Variants in CXADR observed in about 807,000 individuals in gnomAD.
The protein encoded by CXADR is coxsackievirus and adenovirus receptor.
A neutral mutation model predicts 40.3 loss-of-function variants in CXADR; 20 were observed. That is an observed-to-expected ratio of 0.50 (90% confidence interval 0.35 to 0.72). CXADR has a LOEUF of 0.72. Among genes scored for constraint, CXADR ranks in the 30% least tolerant of loss-of-function variants. The probability of loss-of-function intolerance (pLI) is 0.01; values close to 1 mark genes in which losing one functional copy is unlikely to be tolerated. For missense variants in CXADR, 332 were observed against 449.1 expected, an observed-to-expected ratio of 0.74 and a Z score of 2.36; for synonymous variants, 150 against 161.3, an observed-to-expected ratio of 0.93 and a Z score of 0.53.
At chr21:17,523,944 C>T (rs561932028) in intron 1 of CXADR, among the ~76,000 whole-genome samples, 45 of 152,022 alleles carry the variant, frequency 3.0e-4, no homozygotes, top group South Asian at 2.7e-3. Context: ...CTGCAACCTC[C>T]GCCTCCCAGG....
chr21:17,558,981 C>G lies in CXADR; in HGVS notation c.421C>G (p.Pro141Ala). The G allele has an allele frequency of 1.2e-6, 2 of 1,608,228 alleles. No homozygotes were observed. The highest frequency in any genetic ancestry group is 1.7e-6 in the Non-Finnish European group (2 of 1,177,832). Residue 141 changes from proline to alanine, a missense_variant, in exon 4 of 7, where the codon CCT becomes GCT. By Grantham distance (27) the Pro-to-Ala change is conservative. This residue lies in a region of CXADR where 162 missense variants were observed against 198.5 expected (regional missense o/e 0.82). Coordinates refer to ENST00000284878, the MANE Select transcript of CXADR (RefSeq NM_001338.5). ...KKIHLVVLVK[P>A]SGARCYVDGS... The stretch of plus-strand genomic sequence containing the variant: ...TAATTTGTTTTCTCTTTCAGTTAAG[C>G]CTTCAGGTGCGAGATGTTACGTTGA...
chr21:17,574,834 T>TACC (rs2061307095), downstream of CXADR, among the ~76,000 whole-genome samples: 2 of 152,142 alleles, frequency 1.3e-5, no homozygotes, highest in African/African-American at 4.8e-5. Flanking sequence ...GTTGAATAGA[T>TACC]ACCTAGATGT....
At chr21:17,558,377 A>G (rs1164726211) in intron 3 of CXADR, among the ~76,000 whole-genome samples, 1 of 151,828 alleles carries the variant, frequency 6.6e-6, no homozygotes, top group South Asian at 2.1e-4. Flanking sequence ...TGATCCCCCC[A>G]CTGTCTTGGC....
At chr21:17,584,969 TGATG>T (rs1465832521) in intron 7 of CXADR, among the ~76,000 whole-genome samples, 4 of 152,248 alleles carry the variant, frequency 2.6e-5, no homozygotes, top group Admixed American at 6.5e-5. Flanking sequence ...TAGAAGTGGT[TGATG>T]GATGATTTAT....
chr21:17,565,477 A>G lies in CXADR; in HGVS notation c.883A>G (p.Ile295Val), dbSNP rs762366505. 3.1e-6 allele frequency: 5 copies of G among 1,613,848 alleles called. No homozygotes were observed. Among genetic ancestry groups the G allele is most frequent in the East Asian group, 4.5e-5 (2 of 44,888 alleles). Residue 295 changes from isoleucine (I) to valine (V), a missense_variant, in exon 7 of 7, where the codon ATC (isoleucine) becomes GTC (valine). Ile to Val is a conservative substitution (Grantham distance 29, BLOSUM62 3). Transcript: ENST00000284878. ...KSRTSTARSYIGSNHSSLGSM... is the reference protein window; with the variant it reads ...KSRTSTARSYVGSNHSSLGSM... ...CCGTACGTCCACTGCCAGAAGCTACATCGGCAGTAATCATTCATCCCTGGG... is the reference window on the plus strand; with the variant it reads ...CCGTACGTCCACTGCCAGAAGCTACGTCGGCAGTAATCATTCATCCCTGGG...
At chr21:17,604,297 T>G in the CXADR span, 7 of 249,256 alleles carry the variant, frequency 2.8e-5, no homozygotes, top group Non-Finnish European at 4.1e-5. Context: ...AAAAAAAAAT[T>G]AGCCGGGCAC....
downstream of CXADR, chr21:17,594,315 A>G (rs765466233): frequency 1.9e-6 from 3 of 1,612,902 alleles, no homozygotes; most frequent in Non-Finnish European, 2.5e-6. Context: ...GAAGAGGTGG[A>G]AATATAAGTT....
chr21:17,538,937 C>A (rs1038998560), intron 1 of CXADR, among the ~76,000 whole-genome samples: 1 of 152,146 alleles, frequency 6.6e-6, no homozygotes, highest in Non-Finnish European at 1.5e-5. Flanking sequence ...ATCCAGGCCA[C>A]GTGAAAGATA....
intron 7 of CXADR, among the ~76,000 whole-genome samples, chr21:17,592,783 A>G (rs2061451285): frequency 2.6e-5 from 4 of 151,896 alleles, no homozygotes; most frequent in African/African-American, 9.7e-5. Flanking sequence ...AGATGTTAAA[A>G]TTGTGTATGG....
At chr21:17,594,881 A>G (rs188769448), downstream of CXADR, among the ~76,000 whole-genome samples, 338 of 152,178 alleles carry the variant, frequency 2.2e-3, 9 homozygotes, top group Non-Finnish European at 2.5e-3. Flanking sequence ...AGCAGAAAAG[A>G]TAACTATTGA....
At chr21:17,574,192 C>A (rs2061301861), downstream of CXADR, among the ~76,000 whole-genome samples, 1 of 152,176 alleles carries the variant, frequency 6.6e-6, no homozygotes, top group African/African-American at 2.4e-5. Context: ...CCCACTTCCC[C>A]TTCAAAAGGC....
chr21:17,633,378 A>C, the CXADR span, among the ~76,000 whole-genome samples: 9 of 152,308 alleles, frequency 5.9e-5, no homozygotes, highest in East Asian at 1.2e-3. Flanking sequence ...CAGCCTGGGC[A>C]ATATAGTGAG....
chr21:17,550,757 C>T (rs1230168887), intron 2 of CXADR, among the ~76,000 whole-genome samples: 1 of 152,148 alleles, frequency 6.6e-6, no homozygotes, highest in African/African-American at 2.4e-5. Context: ...TTTTATTTTC[C>T]CTCTAAAGCA....
At chr21:17,523,071 C>G (rs2060551654) in intron 1 of CXADR, among the ~76,000 whole-genome samples, 1 of 152,180 alleles carries the variant, frequency 6.6e-6, no homozygotes, top group African/African-American at 2.4e-5. Flanking sequence ...ACCATTCTCT[C>G]TTCAGCTTGT....
At chr21:17,587,488 C>T (rs886375782) in intron 7 of CXADR, among the ~76,000 whole-genome samples, 113 of 152,228 alleles carry the variant, frequency 7.4e-4, no homozygotes, top group Non-Finnish European at 1.4e-3. Context: ...CTCTGATGGC[C>T]AGTGATGATG....
downstream of CXADR, among the ~76,000 whole-genome samples, chr21:17,598,285 A>G (rs905994193): frequency 6.6e-6 from 1 of 152,230 alleles, no homozygotes; most frequent in Admixed American, 6.5e-5. Flanking sequence ...GGTACAAAAC[A>G]AAGTGTTACA....
intron 1 of CXADR, among the ~76,000 whole-genome samples, chr21:17,521,387 A>G (rs909568952): frequency 2.6e-5 from 4 of 152,110 alleles, no homozygotes; most frequent in Admixed American, 2.0e-4. Context: ...CAGTGGCACG[A>G]TCACGGTTCA....
intron 1 of CXADR, among the ~76,000 whole-genome samples, chr21:17,541,724 G>A (rs556187239): frequency 6.7e-6 from 1 of 149,532 alleles, no homozygotes; most frequent in South Asian, 2.2e-4. Flanking sequence ...TTGTGTTTAA[G>A]TTTACTCCAT....
the CXADR span, chr21:17,612,929 G>A: frequency 6.6e-6 from 1 of 152,012 alleles, no homozygotes; most frequent in African/African-American, 2.4e-5. Context: ...GGCGCGCAGG[G>A]GGCTCGCGGC....
Sources: gnomAD v4.1 joint callset for allele counts (sites outside exome capture counted in the v4.1 genomes callset) on GRCh38, gnomAD v4.1.1 for gene constraint, gnomAD v4.1.1 regional missense constraint, MANE v1.5 for transcripts, NCBI Gene and HGNC (gene_info 2026-07-23, HGNC 2026-07-21) for gene names.